Variants in PPFIA2 observed in about 807,000 individuals in gnomAD.
PPFIA2 encodes the protein PPFI scaffold protein A2.
PPFIA2 carries 46 observed loss-of-function variants against 175.5 expected under a neutral mutation model. That is an observed-to-expected ratio of 0.26 (90% confidence interval 0.21 to 0.34). The LOEUF (loss-of-function observed/expected upper bound fraction) is 0.34. PPFIA2 is among the 10% of genes least tolerant of loss of function. The pLI is 1.00. For synonymous variants in PPFIA2, 568 were observed against 511.4 expected, an observed-to-expected ratio of 1.11 and a Z score of -1.49; for missense variants, 1,179 against 1,506.1, an observed-to-expected ratio of 0.78 and a Z score of 3.60.
intron 6 of PPFIA2, among the ~76,000 whole-genome samples, chr12:81,440,565 T>C (rs1465813024): frequency 6.6e-6 from 1 of 152,090 alleles, no homozygotes; most frequent in East Asian, 1.9e-4. Context: ...TTTTATTAAT[T>C]AGAGGTCTAC....
In PPFIA2 at chr12:81,294,908, C is replaced by T. The variant is rs2046100824; in HGVS notation, c.2852G>A (p.Arg951His). The T allele has an allele frequency of 1.2e-6, 2 of 1,613,442 alleles. No individual in the cohort carries two copies. The highest frequency in any genetic ancestry group is 1.7e-6 in the Non-Finnish European group (2 of 1,179,700). Residue 951 changes from arginine to histidine, a missense_variant, in exon 24 of 33, where the codon CGC becomes CAC. Coordinates refer to ENST00000549396, the MANE Select transcript of PPFIA2 (RefSeq NM_003625.5). ...REIGISNPLH[R>H]LKLRLAIQEM... ...CTGGATTGCTAATCGAAGTTTTAAG[C>T]GATGCAGTGGATTGCTGATTCCAAT...
At chr12:81,333,586 T>G (rs1359563852) in intron 21 of PPFIA2, among the ~76,000 whole-genome samples, 1 of 143,264 alleles carries the variant, frequency 7.0e-6, no homozygotes. Flanking sequence ...GGCCTAAACT[T>G]ATTAATCAAT....
At chr12:81,466,979 T>G (rs980174724) in intron 4 of PPFIA2, among the ~76,000 whole-genome samples, 1 of 149,884 alleles carries the variant, frequency 6.7e-6, no homozygotes, top group Non-Finnish European at 1.5e-5. Flanking sequence ...GTTTTTTTCT[T>G]TAATGGTAAC....
Position 81,670,775 on chromosome 12 carries a change from A to G in PPFIA2, c.303+6016T>C, listed in dbSNP as rs535057352. ...CAATGAACATAGTTTGTGAACTCTC[A>G]ACATCATGAAACTGCTAATAACCCT... is the stretch of plus-strand genomic sequence containing the variant. On this transcript the variant is annotated intron_variant, in intron 4 of 32. Coordinates refer to ENST00000549396, the MANE Select transcript of PPFIA2 (RefSeq NM_003625.5). Among the ~76,000 whole-genome samples, 3 of 152,032 alleles carry G rather than the reference A, an allele frequency of 2.0e-5. No homozygotes were observed. In the South Asian group the frequency reaches 6.2e-4, roughly 32 times the overall value.
At chr12:81,328,868 C>G (rs2055452459) in intron 21 of PPFIA2, among the ~76,000 whole-genome samples, 1 of 144,348 alleles carries the variant, frequency 6.9e-6, no homozygotes, top group African/African-American at 2.6e-5. Context: ...GACTGGAGTG[C>G]AGTGGTGCCA....
At chr12:81,580,610 A>G (rs1595207599) in intron 4 of PPFIA2, among the ~76,000 whole-genome samples, 1 of 151,578 alleles carries the variant, frequency 6.6e-6, no homozygotes, top group African/African-American at 2.4e-5. Context: ...AAATGCTTAC[A>G]ATAATAAATT....
At chr12:81,457,510 G>T (rs2053797221) in intron 5 of PPFIA2, among the ~76,000 whole-genome samples, 1 of 152,014 alleles carries the variant, frequency 6.6e-6, no homozygotes. Context: ...GCCAAATAAA[G>T]TAAAGGCCAG....
intron 5 of PPFIA2, among the ~76,000 whole-genome samples, chr12:81,452,811 G>A (rs780560184): frequency 7.9e-5 from 12 of 151,842 alleles, no homozygotes; most frequent in Non-Finnish European, 1.3e-4. Flanking sequence ...TAATTCCTTT[G>A]GCTCAAAACA....
In PPFIA2 at chr12:81,659,103, T is replaced by C. The variant is rs1220181508; in HGVS notation, c.303+17688A>G. On this transcript the variant is annotated intron_variant, in intron 4 of 32. Transcript: ENST00000549396. Reference sequence around the variant, plus strand: ...GGAGGGCGGTTCCAAGATGGCCAAATAGGAACAGCTCCAGTCTACAGCTCC... The same window carrying C: ...GGAGGGCGGTTCCAAGATGGCCAAACAGGAACAGCTCCAGTCTACAGCTCC... 2.6e-5 allele frequency among the ~76,000 whole-genome samples: 4 copies of C among 152,202 alleles called. No homozygotes were observed. The East Asian group carries it at 7.7e-4, about 29-fold the overall frequency.
chr12:81,327,359 A>G (rs1033453092), intron 21 of PPFIA2, among the ~76,000 whole-genome samples: 1 of 152,076 alleles, frequency 6.6e-6, no homozygotes, highest in African/African-American at 2.4e-5. Context: ...AAAGCCTTCT[A>G]CTGGTGACTA....
At chr12:81,523,737 AC>A (rs2063427227) in intron 4 of PPFIA2, among the ~76,000 whole-genome samples, 1 of 152,150 alleles carries the variant, frequency 6.6e-6, no homozygotes, top group Non-Finnish European at 1.5e-5. Context: ...AAAATTTTCT[AC>A]TAACTTAACA....
intron 4 of PPFIA2, among the ~76,000 whole-genome samples, chr12:81,560,480 G>A (rs1365298410): frequency 1.3e-5 from 2 of 152,032 alleles, no homozygotes; most frequent in Non-Finnish European, 2.9e-5. Flanking sequence ...AAAAGAACTA[G>A]GAGAATTCAT....
At chr12:81,439,348 G>C (rs2049720941) in intron 7 of PPFIA2, among the ~76,000 whole-genome samples, 1 of 150,982 alleles carries the variant, frequency 6.6e-6, no homozygotes, top group South Asian at 2.1e-4. Context: ...AATATAGATA[G>C]ATACATGTAT....
chr12:81,286,933 C>T (rs1240707506), intron 24 of PPFIA2, among the ~76,000 whole-genome samples: 1 of 151,924 alleles, frequency 6.6e-6, no homozygotes, highest in Non-Finnish European at 1.5e-5. Context: ...GTATTCCCTG[C>T]TTCTAACAAT....
chr12:81,277,703 A>G (rs1269206711), intron 27 of PPFIA2, among the ~76,000 whole-genome samples: 2 of 152,190 alleles, frequency 1.3e-5, no homozygotes, highest in Non-Finnish European at 1.5e-5. Flanking sequence ...TCATTTAGCT[A>G]TTCCTACATT....
intron 22 of PPFIA2, chr12:81,302,252 GAGCTTTTATTTC>G: frequency 5.2e-6 from 2 of 383,516 alleles, no homozygotes; most frequent in Non-Finnish European, 1.0e-5. Context: ...ACCTCCTCTT[GAGCTTTTATTTC>G]CCACTTTCTC....
chr12:81,504,306 TCAAA>T (rs907595199), intron 4 of PPFIA2, among the ~76,000 whole-genome samples: 18 of 151,228 alleles, frequency 1.2e-4, no homozygotes, highest in Non-Finnish European at 2.7e-4. Context: ...ACGAGAAAAA[TCAAA>T]CAACCCCATC....
intron 4 of PPFIA2, among the ~76,000 whole-genome samples, chr12:81,501,786 C>CAGT (rs1225652458): frequency 6.6e-6 from 1 of 152,020 alleles, no homozygotes; most frequent in Non-Finnish European, 1.5e-5. Flanking sequence ...ATGCTAAAGG[C>CAGT]AGTATTCTTT....
At chr12:81,468,973 G>A (rs1522328) in intron 4 of PPFIA2, among the ~76,000 whole-genome samples, 94,493 of 151,896 alleles carry the variant, frequency 0.62, 29,839 homozygotes, top group East Asian at 0.92. Context: ...GACTCTTCTA[G>A]CCACTCTCTC....
Sources: allele counts gnomAD v4.1 joint callset (sites outside exome capture counted in the v4.1 genomes callset), GRCh38; gene constraint gnomAD v4.1.1; transcripts MANE v1.5; gene names NCBI Gene and HGNC (gene_info 2026-07-23, HGNC 2026-07-21).